The following DPP10 variants were observed in gnomAD, a reference collection of about 807,000 sequenced individuals.
DPP10 encodes dipeptidyl peptidase like 10, also known as inactive dipeptidyl peptidase 10.
Under a neutral mutation model 120.9 loss-of-function variants are expected in DPP10, and 33 were observed. The observed-to-expected ratio is 0.27, with a 90% CI of 0.21 to 0.37. The LOEUF is 0.37. DPP10 is among the 10% of genes least tolerant of loss of function. The pLI is 1.00. For synonymous variants in DPP10, 337 were observed against 326.1 expected, an observed-to-expected ratio of 1.03 and a Z score of -0.36; for missense variants, 816 against 942.8, an observed-to-expected ratio of 0.87 and a Z score of 1.76.
At chr2:115,654,217 CAA>C (rs1217841443) in intron 5 of DPP10, among the ~76,000 whole-genome samples, 1 of 151,602 alleles carries the variant, frequency 6.6e-6, no homozygotes, top group Non-Finnish European at 1.5e-5. Flanking sequence ...TTAACATAAA[CAA>C]ATATAAAAAA....
chr2:115,633,788 T>G (rs1263527108), intron 5 of DPP10, among the ~76,000 whole-genome samples: 3 of 152,142 alleles, frequency 2.0e-5, no homozygotes, highest in Non-Finnish European at 4.4e-5. Context: ...TGGAGTATCT[T>G]ACTGGGGTTC....
chr2:114,612,955 G>A (rs1269018404), intron 1 of DPP10, among the ~76,000 whole-genome samples: 1 of 152,118 alleles, frequency 6.6e-6, no homozygotes, highest in East Asian at 1.9e-4. Flanking sequence ...TTAAAACTAT[G>A]AGAATACATG....
At chr2:114,604,337 A>G (rs539180834) in intron 1 of DPP10, among the ~76,000 whole-genome samples, 101 of 152,208 alleles carry the variant, frequency 6.6e-4, no homozygotes, top group Non-Finnish European at 1.3e-3. Flanking sequence ...TAGCAGTCTC[A>G]GGCCTTCTCA....
chr2:115,667,644 T>A (rs1211821379), intron 5 of DPP10, among the ~76,000 whole-genome samples: 1 of 152,032 alleles, frequency 6.6e-6, no homozygotes, highest in Admixed American at 6.6e-5. Flanking sequence ...CACAAGATTA[T>A]AGTTGTGCAG....
chr2:115,801,144 C>A (rs1421973332), intron 19 of DPP10, among the ~76,000 whole-genome samples: 5 of 151,752 alleles, frequency 3.3e-5, no homozygotes, highest in Admixed American at 2.6e-4. Context: ...TTGAAGAGGT[C>A]CTTCACATCC....
At chr2:115,098,624 A>G (rs913862033) in intron 1 of DPP10, among the ~76,000 whole-genome samples, 4 of 152,118 alleles carry the variant, frequency 2.6e-5, no homozygotes, top group African/African-American at 9.7e-5. Context: ...CGGCACCACC[A>G]TTGTATAGGC....
intron 1 of DPP10, among the ~76,000 whole-genome samples, chr2:115,115,076 ACCGATATGTGTGTGCACATAT>A (rs1207330123): frequency 5.9e-5 from 9 of 151,964 alleles, no homozygotes; most frequent in South Asian, 2.1e-4. Context: ...TATGTGTATG[ACCGATATGTGTGTGCACATAT>A]CCGATATGTG....
At chr2:115,763,402 TC>T (rs1163329939) in intron 12 of DPP10, among the ~76,000 whole-genome samples, 2 of 152,280 alleles carry the variant, frequency 1.3e-5, no homozygotes, top group East Asian at 3.9e-4. Context: ...AGCTTCATAC[TC>T]CCCAGGTCTA....
chr2:114,794,750 T>A (rs1683553014), intron 1 of DPP10, among the ~76,000 whole-genome samples: 1 of 152,218 alleles, frequency 6.6e-6, no homozygotes, highest in Non-Finnish European at 1.5e-5. Flanking sequence ...TTAGAGTTGC[T>A]CCTACAGAAC....
chr2:114,523,004 T>A (rs1163999275), intron 1 of DPP10, among the ~76,000 whole-genome samples: 2 of 152,200 alleles, frequency 1.3e-5, no homozygotes, highest in African/African-American at 2.4e-5. Context: ...AGTAGGCACA[T>A]GCAGCCAAAC....
intron 8 of DPP10, among the ~76,000 whole-genome samples, chr2:115,738,731 TAGAG>T (rs536056207): frequency 2.3e-4 from 35 of 152,148 alleles, no homozygotes; most frequent in Non-Finnish European, 4.7e-4. Flanking sequence ...TATATATAGA[TAGAG>T]AGATGACAAA....
intron 1 of DPP10, chr2:114,707,077 C>G (rs554411874): frequency 6.6e-6 from 1 of 152,198 alleles, no homozygotes; most frequent in South Asian, 2.1e-4. Flanking sequence ...TGGGGCTGAC[C>G]GTCACACGCT....
At position 115,334,230 on chromosome 2, in the gene DPP10, G is replaced by GGTTTTTTTTTTTTTT. The variant is rs1553554643; in HGVS notation, c.176-9587_176-9586insGTTTTTTTTTTTTTT. Among the ~76,000 whole-genome samples the GGTTTTTTTTTTTTTT allele has an allele frequency of 5.0e-3, 280 of 56,368 alleles. 5 individuals are homozygous for GGTTTTTTTTTTTTTT. Among genetic ancestry groups the GGTTTTTTTTTTTTTT allele is most frequent in the African/African-American group, 0.013 (269 of 20,384 alleles). The allele number at this position is 56,368 out of a possible 152,430, so 37.0% of individuals were successfully genotyped here. ...TCAGGAATGGACCAGAGCAGACTCTGTTTTTTTTTTTTTTTTAAGAAACCT... is the reference window on the plus strand; with the variant it reads ...TCAGGAATGGACCAGAGCAGACTCTGGTTTTTTTTTTTTTTTTTTTTTTTTTTTTTTAAGAAACCT... On this transcript the variant is annotated intron_variant, in intron 2 of 25. Coordinates refer to ENST00000410059, the MANE Select transcript of DPP10 (RefSeq NM_020868.6).
At chr2:114,637,032 C>G (rs1695353582) in intron 1 of DPP10, among the ~76,000 whole-genome samples, 1 of 151,858 alleles carries the variant, frequency 6.6e-6, no homozygotes, top group South Asian at 2.1e-4. Flanking sequence ...TTGTACTTTT[C>G]TTAATTCTTT....
chr2:115,654,873 A>G (rs879882950), intron 5 of DPP10, among the ~76,000 whole-genome samples: 1 of 151,732 alleles, frequency 6.6e-6, no homozygotes, highest in African/African-American at 2.4e-5. Context: ...CATTAGAGTA[A>G]CTATCAGGGA....
intron 1 of DPP10, among the ~76,000 whole-genome samples, chr2:114,603,033 A>T (rs569544937): frequency 5.4e-4 from 82 of 152,192 alleles, no homozygotes; most frequent in Middle Eastern, 6.8e-3. Flanking sequence ...ACTACATGCT[A>T]GACAGTCCTC....
chr2:115,628,466 G>C (rs1016063084), intron 5 of DPP10, among the ~76,000 whole-genome samples: 2 of 152,070 alleles, frequency 1.3e-5, no homozygotes, highest in Admixed American at 1.3e-4. Context: ...CATTCTGTAG[G>C]TTGTCTGTTC....
intron 5 of DPP10, 123 bp from the exon 6 acceptor site, chr2:115,689,564 T>C: frequency 1.4e-6 from 1 of 698,570 alleles, no homozygotes; most frequent in Non-Finnish European, 2.3e-6. Flanking sequence ...AGCTAGAATG[T>C]TTTATATTTT....
At chr2:114,969,564 T>A (rs1382740326) in intron 1 of DPP10, among the ~76,000 whole-genome samples, 1 of 152,204 alleles carries the variant, frequency 6.6e-6, no homozygotes, top group Non-Finnish European at 1.5e-5. Flanking sequence ...CCAAGGATAA[T>A]CTGCTTGACT....
Sources: gnomAD v4.1 joint callset for allele counts (sites outside exome capture counted in the v4.1 genomes callset) on GRCh38, gnomAD v4.1.1 for gene constraint, MANE v1.5 for transcripts, NCBI Gene and HGNC (gene_info 2026-07-23, HGNC 2026-07-21) for gene names.